C1GALT1: variants seen among roughly 807,000 people sequenced by gnomAD.
C1GALT1 encodes the protein glycoprotein-N-acetylgalactosamine 3-beta-galactosyltransferase 1.
In C1GALT1, 11 loss-of-function variants were observed where a neutral mutation model predicts 31.0. That is an observed-to-expected ratio of 0.36 (90% CI 0.22 to 0.59). The LOEUF (loss-of-function observed/expected upper bound fraction) is 0.59. Among genes scored for constraint, C1GALT1 ranks in the 20% least tolerant of loss-of-function variants. C1GALT1 has a pLI of 0.79. For synonymous variants in C1GALT1, 175 were observed against 143.6 expected (o/e 1.22, Z -1.56); for missense variants, 424 against 425.2 (o/e 1.00, Z 0.03).
Position 7,173,430 on chromosome 7 carries a change from A to G in C1GALT1, c.-18+16004A>G, listed in dbSNP as rs371239076. On this transcript the variant is annotated intron_variant, in intron 2 of 3. Coordinates refer to the C1GALT1 transcript ENST00000429911. ...AACCTCTTTTCTTTATAAATTACCC[A>G]GTCTTGGGTATTTCTCTATAGCAAT... Among the ~76,000 whole-genome samples the G allele has an allele frequency of 7.9e-4, 121 of 152,250 alleles. No individual in the cohort carries two copies. In the South Asian group the frequency reaches 0.024, roughly 31 times the overall value.
chr7:7,201,612 G>A (rs1029217481), intron 1 of C1GALT1, among the ~76,000 whole-genome samples: 4 of 152,186 alleles, frequency 2.6e-5, no homozygotes, highest in Non-Finnish European at 4.4e-5. Context: ...GGGGAAAGCC[G>A]GCAGTAACAG....
chr7:7,168,978 C>G (rs987350989), intron 2 of C1GALT1, among the ~76,000 whole-genome samples: 1 of 152,182 alleles, frequency 6.6e-6, no homozygotes, highest in African/African-American at 2.4e-5. Context: ...GTTAATGAAG[C>G]TTTTCCAGCA....
chr7:7,188,020 T>C (rs1402281705), intron 1 of C1GALT1, among the ~76,000 whole-genome samples: 3 of 151,980 alleles, frequency 2.0e-5, no homozygotes, highest in Non-Finnish European at 4.4e-5. Flanking sequence ...GGGGTATGAG[T>C]TAAAGAGGGA....
intron 1 of C1GALT1, among the ~76,000 whole-genome samples, chr7:7,232,022 C>G (rs561055418): frequency 6.6e-6 from 1 of 152,302 alleles, no homozygotes; most frequent in South Asian, 2.1e-4. Flanking sequence ...ACCTCTTCTC[C>G]TAAGCAGACT....
chr7:7,169,921 A>G lies in C1GALT1; in HGVS notation c.-18+12495A>G, dbSNP rs182082702. Among the ~76,000 whole-genome samples the G allele has an allele frequency of 4.6e-5, 7 of 152,326 alleles. No individual in the cohort carries two copies. In the East Asian group the frequency reaches 1.3e-3, roughly 29 times the overall value. ...TTCTATTTTCTGAAAGAGTTTGAGA[A>G]GAATTGGTGTTAATTCTTCTTGAAA... is the stretch of plus-strand genomic sequence containing the variant. On this transcript the variant is annotated intron_variant, in intron 2 of 3. Coordinates refer to the C1GALT1 transcript ENST00000429911.
intron 1 of C1GALT1, among the ~76,000 whole-genome samples, chr7:7,200,803 G>T (rs1215396560): frequency 6.6e-6 from 1 of 152,154 alleles, no homozygotes; most frequent in Non-Finnish European, 1.5e-5. Context: ...ACTGAAGCTT[G>T]TGCATGCATC....
chr7:7,181,705 A>G (rs1562556142), upstream of C1GALT1, among the ~76,000 whole-genome samples: 1 of 152,170 alleles, frequency 6.6e-6, no homozygotes, highest in Admixed American at 6.5e-5. Flanking sequence ...TTTAACAACC[A>G]TGCTGTAGAG....
At chr7:7,219,481 T>A (rs1782408706) in intron 1 of C1GALT1, among the ~76,000 whole-genome samples, 1 of 152,184 alleles carries the variant, frequency 6.6e-6, no homozygotes, top group Non-Finnish European at 1.5e-5. Context: ...TTCCTCTCAG[T>A]TTTGTTGTGA....
chr7:7,157,923 T>C (rs1780291152), intron 2 of C1GALT1, among the ~76,000 whole-genome samples: 1 of 152,198 alleles, frequency 6.6e-6, no homozygotes, highest in African/African-American at 2.4e-5. Context: ...CAGGCATGTT[T>C]CAAATTGTTC....
intron 2 of C1GALT1, among the ~76,000 whole-genome samples, chr7:7,164,774 T>C (rs1012953820): frequency 6.6e-6 from 1 of 152,058 alleles, no homozygotes; most frequent in Non-Finnish European, 1.5e-5. Flanking sequence ...CTTTAAGTTG[T>C]TTGCACCTGA....
At chr7:7,163,993 G>A (rs1200261316) in intron 2 of C1GALT1, among the ~76,000 whole-genome samples, 2 of 152,052 alleles carry the variant, frequency 1.3e-5, no homozygotes, top group African/African-American at 4.8e-5. Flanking sequence ...AACCAAAAAA[G>A]AGCCCGCATC....
chr7:7,177,544 AAGG>A (rs145032875), upstream of C1GALT1, among the ~76,000 whole-genome samples: 4,747 of 152,304 alleles, frequency 0.031, 78 homozygotes, highest in Non-Finnish European at 0.047. Context: ...GAAAAAGAAA[AAGG>A]AGCCAGTGAT....
Position 7,244,802 on chromosome 7 carries a change from AAAGC to A in C1GALT1, c.*1079_*1082del, listed in dbSNP as rs765568255. On this transcript the variant is annotated 3_prime_UTR_variant, in exon 4 of 4. Transcript: ENST00000436587. ...TAGTTACAGTGGCAAGATTATTTAG[AAAGC>A]AAGATTTTGATGAGAATTAAAAACA... The A allele has an allele frequency of 1.3e-5, 2 of 152,216 alleles. No individual in the cohort carries two copies. The highest frequency in any genetic ancestry group is 2.9e-5 in the Non-Finnish European group (2 of 68,026). The allele number at this position is 152,216 out of a possible 1,614,324, so 9.4% of individuals were successfully genotyped here.
chr7:7,174,446 C>T (rs946020327), intron 2 of C1GALT1, among the ~76,000 whole-genome samples: 1 of 152,154 alleles, frequency 6.6e-6, no homozygotes, highest in African/African-American at 2.4e-5. Flanking sequence ...AACTGCCTTT[C>T]AACATGCCTA....
At chr7:7,241,636 C>G (rs1393103610) in intron 3 of C1GALT1, among the ~76,000 whole-genome samples, 1 of 151,840 alleles carries the variant, frequency 6.6e-6, no homozygotes, top group Non-Finnish European at 1.5e-5. Flanking sequence ...TACTGTTCTA[C>G]TTGGGCTTTT....
chr7:7,188,802 C>T (rs1780931591), intron 1 of C1GALT1, among the ~76,000 whole-genome samples: 1 of 152,024 alleles, frequency 6.6e-6, no homozygotes, highest in African/African-American at 2.4e-5. Context: ...AAATGAATGA[C>T]ATTGTGTTAT....
At chr7:7,179,978 T>A (rs1325027217), upstream of C1GALT1, among the ~76,000 whole-genome samples, 2 of 152,186 alleles carry the variant, frequency 1.3e-5, no homozygotes, top group Non-Finnish European at 2.9e-5. Context: ...GATGGTCACA[T>A]GGCCAGCCAT....
intron 1 of C1GALT1, among the ~76,000 whole-genome samples, chr7:7,197,481 C>A (rs938225528): frequency 3.3e-5 from 5 of 152,172 alleles, no homozygotes; most frequent in African/African-American, 1.2e-4. Context: ...AGCATGATGC[C>A]TCCAGCTTTG....
At chr7:7,204,702 C>T (rs1781661219) in intron 1 of C1GALT1, among the ~76,000 whole-genome samples, 1 of 152,022 alleles carries the variant, frequency 6.6e-6, no homozygotes. Flanking sequence ...TAAATGTCTT[C>T]CTTAGCACTG....
Sources: allele counts gnomAD v4.1 joint callset (sites outside exome capture counted in the v4.1 genomes callset), GRCh38; gene constraint gnomAD v4.1.1; transcripts MANE v1.5; gene names NCBI Gene and HGNC (gene_info 2026-07-23, HGNC 2026-07-21).